ARL13B: variants seen among roughly 807,000 people sequenced by gnomAD.
ARL13B encodes the protein ARF like GTPase 13B.
In ARL13B, 36 loss-of-function variants were observed where a neutral mutation model predicts 56.1. The ratio of observed to expected loss-of-function variants is 0.64; its 90% CI spans 0.49 to 0.85. The LOEUF is 0.85. ARL13B is among the 40% of genes least tolerant of loss of function. ARL13B has a pLI of 0.00. For synonymous variants in ARL13B, 178 were observed against 171.1 expected (o/e 1.04, Z -0.32); for missense variants, 519 against 507.1 (o/e 1.02, Z -0.23).
At position 94,054,233 on chromosome 3, in the gene ARL13B, C is replaced by G. The variant is rs917091465; in HGVS notation, c.*970C>G. ...ATTAAAGGCAGAAAAACTGGAAAAC[C>G]TACTGCAGGTCCAGAGACTTCTGTT... On this transcript the variant is annotated 3_prime_UTR_variant, in exon 10 of 10. Transcript: ENST00000394222. 8.8e-6 allele frequency: 4 copies of G among 452,540 alleles called. No individual in the cohort carries two copies. Among genetic ancestry groups the G allele is most frequent in the African/African-American group, 8.0e-5 (4 of 49,960 alleles). The allele number at this position is 452,540 out of a possible 1,614,324, so 28.0% of individuals were successfully genotyped here. A position where few individuals can be genotyped will look rare whatever the true frequency, so the allele number is the denominator to read the frequency against.
Position 94,039,999 on chromosome 3 carries a change from T to C in ARL13B, c.798+11T>C, listed in dbSNP as rs1433894114. The C allele has an allele frequency of 1.2e-6, 2 of 1,609,924 alleles. No homozygotes were observed. The highest frequency in any genetic ancestry group is 1.7e-6 in the Non-Finnish European group (2 of 1,176,776). On this transcript the variant is annotated intron_variant, in intron 6 of 9. Coordinates refer to ENST00000394222, the MANE Select transcript of ARL13B (RefSeq NM_001174150.2). Reference sequence around the variant, plus strand: ...TCTGTAATCATTGAGGTATGAATGATGGCAAATGTAATTTTTGTATCTTAA... The same window carrying C: ...TCTGTAATCATTGAGGTATGAATGACGGCAAATGTAATTTTTGTATCTTAA...
chr3:93,995,041 C>G (rs774273022), intron 1 of ARL13B, among the ~76,000 whole-genome samples: 9 of 152,114 alleles, frequency 5.9e-5, no homozygotes, highest in Non-Finnish European at 8.8e-5. Context: ...GTTTTCATTT[C>G]CAAATCCATG....
chr3:94,020,723 C>T lies in ARL13B; in HGVS notation c.381-14608C>T, dbSNP rs533153656. Among the ~76,000 whole-genome samples the T allele has an allele frequency of 2.6e-5, 4 of 152,182 alleles. No homozygotes were observed. The South Asian group carries it at 6.2e-4, about 24-fold the overall frequency. On this transcript the variant is annotated intron_variant, in intron 3 of 9. Coordinates refer to ENST00000394222, the MANE Select transcript of ARL13B (RefSeq NM_001174150.2). ...CTATATTGCTGAGCATTTTAAGTAC[C>T]GGTGGGAAACATTTAAGAGCAAGTT...
At chr3:94,033,272 T>C (rs1236631410) in intron 3 of ARL13B, among the ~76,000 whole-genome samples, 1 of 152,174 alleles carries the variant, frequency 6.6e-6, no homozygotes, top group Non-Finnish European at 1.5e-5. Context: ...ATGCACATTA[T>C]TAAGCTTATG....
rs2077097762 is a variant in ARL13B, at chr3:94,053,434, T to G, written c.*171T>G. ...GACTTGATAATTACTTATTTGTGTT[T>G]TTCATGGTTAAAAAAATAAAAGAAG... On this transcript the variant is annotated 3_prime_UTR_variant, in exon 10 of 10. Coordinates refer to ENST00000394222, the MANE Select transcript of ARL13B (RefSeq NM_001174150.2). The G allele has an allele frequency of 1.4e-6, 1 of 722,994 alleles. No individual in the cohort carries two copies. Among genetic ancestry groups the G allele is most frequent in the Non-Finnish European group, 2.4e-6 (1 of 408,366 alleles). 44.8% of individuals were successfully genotyped at this position (722,994 alleles called of 1,614,324 possible). A position where few individuals can be genotyped will look rare whatever the true frequency, so the allele number is the denominator to read the frequency against.
At chr3:94,046,314 CT>C (rs1445922159) in intron 7 of ARL13B, among the ~76,000 whole-genome samples, 1 of 152,050 alleles carries the variant, frequency 6.6e-6, no homozygotes, top group African/African-American at 2.4e-5. Context: ...CTGGCAATCA[CT>C]GATCTGCTTT....
chr3:94,035,236 C>CAAAAAAAA, intron 3 of ARL13B, 95 bp from the exon 4 acceptor site: 1 of 551,840 alleles, frequency 1.8e-6, no homozygotes, highest in South Asian at 2.1e-5. Context: ...GACTCAGTCT[C>CAAAAAAAA]AAAAAAAAAA....
intron 3 of ARL13B, among the ~76,000 whole-genome samples, chr3:94,026,362 G>C (rs2076558336): frequency 6.6e-6 from 1 of 152,108 alleles, no homozygotes; most frequent in Non-Finnish European, 1.5e-5. Context: ...TGTGCATTTT[G>C]ACTGAAAGTC....
chr3:94,000,013 G>T (rs2076027212), intron 2 of ARL13B, among the ~76,000 whole-genome samples: 1 of 152,192 alleles, frequency 6.6e-6, no homozygotes, highest in Non-Finnish European at 1.5e-5. Context: ...CTAGAAGGAA[G>T]AGGTAAAGGG....
rs1559997653 is a variant in ARL13B at position 94,029,329 on chromosome 3, TATATA to T, written c.381-6001_381-5997del. Among the ~76,000 whole-genome samples, 66 of 100,554 alleles carry T rather than the reference TATATA, an allele frequency of 6.6e-4. 1 individual carries two copies. The highest frequency in any genetic ancestry group is 2.4e-3 in the African/African-American group (48 of 19,930). 66.0% of individuals were successfully genotyped at this position (100,554 alleles called of 152,430 possible). ...ATATATATATATATATATATATATATATATATTTATTTTTTTTTTATTTTTTTTTT... is the reference window on the plus strand; with the variant it reads ...ATATATATATATATATATATATATATTTTATTTTTTTTTTATTTTTTTTTT... On this transcript the variant is annotated intron_variant, in intron 3 of 9. Transcript: ENST00000394222.
intron 1 of ARL13B, chr3:93,988,552 CT>C: frequency 3.1e-6 from 1 of 320,236 alleles, no homozygotes; most frequent in South Asian, 2.6e-5. Context: ...AAGACTTGCA[CT>C]TACAAAGCAG....
intron 3 of ARL13B, among the ~76,000 whole-genome samples, chr3:94,006,478 C>G (rs1040928922): frequency 1.3e-5 from 2 of 152,076 alleles, no homozygotes; most frequent in African/African-American, 4.8e-5. Context: ...CTTCACTACT[C>G]CATTTCCCTT....
chr3:94,002,554 A>G (rs1341288844), intron 2 of ARL13B, among the ~76,000 whole-genome samples: 1 of 152,204 alleles, frequency 6.6e-6, no homozygotes, highest in Non-Finnish European at 1.5e-5. Context: ...TGAAGAAAAA[A>G]TAGAACAGAA....
chr3:93,990,539 C>G (rs2075854542), intron 1 of ARL13B, among the ~76,000 whole-genome samples: 1 of 152,002 alleles, frequency 6.6e-6, no homozygotes, highest in South Asian at 2.1e-4. Context: ...TGCAGCCTGT[C>G]ACATGAGGTC....
At position 93,995,957 on chromosome 3, in the gene ARL13B, CATTT is replaced by C; in HGVS notation, c.130+16_130+19del. The C allele has an allele frequency of 6.2e-7, 1 of 1,610,028 alleles. No homozygotes were observed. The highest frequency in any genetic ancestry group is 8.5e-7 in the Non-Finnish European group (1 of 1,177,010). ...GGAATCCAAGGAGGTAAGCTGAAAA[CATTT>C]ATGTGCTTTCTGAACTCTATTAAAT... On this transcript the variant is annotated intron_variant, in intron 2 of 9. Coordinates refer to ENST00000394222, the MANE Select transcript of ARL13B (RefSeq NM_001174150.2).
At chr3:93,999,024 T>C (rs888586000) in intron 2 of ARL13B, among the ~76,000 whole-genome samples, 10 of 151,496 alleles carry the variant, frequency 6.6e-5, no homozygotes, top group African/African-American at 2.4e-4. Flanking sequence ...TGCCATTGGC[T>C]AAATCCAAAC....
intron 1 of ARL13B, among the ~76,000 whole-genome samples, chr3:93,987,157 ATT>A (rs34681323): frequency 6.8e-6 from 1 of 146,860 alleles, no homozygotes; most frequent in Non-Finnish European, 1.5e-5. Context: ...TATATTTCTG[ATT>A]TTTTTTTTTT....
intron 3 of ARL13B, among the ~76,000 whole-genome samples, chr3:94,006,958 A>T (rs1301897391): frequency 6.6e-6 from 1 of 152,130 alleles, no homozygotes; most frequent in Non-Finnish European, 1.5e-5. Context: ...GCAGGAGGGG[A>T]TACCTGTATT....
intron 3 of ARL13B, among the ~76,000 whole-genome samples, chr3:94,029,321 TATATATATATA>T (rs2076621274): frequency 9.9e-6 from 1 of 100,792 alleles, no homozygotes; most frequent in African/African-American, 4.9e-5. Context: ...TATATATATA[TATATATATATA>T]TATTTATTTT....
Sources: gnomAD v4.1 joint callset for allele counts (sites outside exome capture counted in the v4.1 genomes callset) on GRCh38, gnomAD v4.1.1 for gene constraint, MANE v1.5 for transcripts, NCBI Gene and HGNC (gene_info 2026-07-23, HGNC 2026-07-21) for gene names.